Variants in DCC observed in about 807,000 individuals in gnomAD.
The protein encoded by DCC is DCC netrin 1 receptor.
In DCC, 58 loss-of-function variants were observed where a neutral mutation model predicts 172.5. That is an observed-to-expected ratio of 0.34 (90% CI 0.27 to 0.42). The LOEUF is 0.42. DCC is among the 10% of genes least tolerant of loss of function. The pLI, the probability that DCC is intolerant of heterozygous loss-of-function variation, is 1.00. For missense variants in DCC, 1,740 were observed against 1,791.0 expected, an observed-to-expected ratio of 0.97 and a Z score of 0.51; for synonymous variants, 709 against 644.5, an observed-to-expected ratio of 1.10 and a Z score of -1.52.
Position 52,648,044 on chromosome 18 carries a change from C to T in DCC, c.92-104010C>T, listed in dbSNP as rs113500068. 1.3e-3 allele frequency among the ~76,000 whole-genome samples: 198 copies of T among 152,258 alleles called. 2 individuals are homozygous for T. The highest frequency in any genetic ancestry group is 4.6e-3 in the African/African-American group (190 of 41,548). ...CTGAATCTTGAATTATGAGTAGGAA[C>T]GAGATGTTCAAAGGGAAGAGAAAAG... On this transcript the variant is annotated intron_variant, in intron 1 of 28. Coordinates refer to ENST00000442544, the MANE Select transcript of DCC (RefSeq NM_005215.4).
intron 1 of DCC, among the ~76,000 whole-genome samples, chr18:52,387,269 G>T (rs1985836926): frequency 6.6e-6 from 1 of 152,106 alleles, no homozygotes; most frequent in African/African-American, 2.4e-5. Flanking sequence ...ACTTACTGAA[G>T]GTGTGTGAAC....
chr18:52,812,720 T>C (rs893053513), intron 2 of DCC, among the ~76,000 whole-genome samples: 1 of 152,218 alleles, frequency 6.6e-6, no homozygotes, highest in African/African-American at 2.4e-5. Flanking sequence ...TTAAACTGGA[T>C]GCAGGTAATG....
chr18:52,589,079 G>A (rs1259061331), intron 1 of DCC, among the ~76,000 whole-genome samples: 1 of 152,142 alleles, frequency 6.6e-6, no homozygotes, highest in African/African-American at 2.4e-5. Context: ...TTGGGTTTTA[G>A]TTCAAATGAT....
At chr18:52,954,022 G>A (rs968336770) in intron 5 of DCC, among the ~76,000 whole-genome samples, 2 of 152,294 alleles carry the variant, frequency 1.3e-5, no homozygotes, top group African/African-American at 2.4e-5. Context: ...TAAACTCTGA[G>A]CAAAATTGTG....
chr18:52,968,125 G>A (rs553834677), intron 5 of DCC, among the ~76,000 whole-genome samples: 41 of 152,192 alleles, frequency 2.7e-4, no homozygotes, highest in African/African-American at 7.9e-4. Flanking sequence ...TTGGTATTAC[G>A]AAATTTAATA....
At chr18:52,852,734 G>A (rs868669834) in intron 2 of DCC, among the ~76,000 whole-genome samples, 1 of 152,038 alleles carries the variant, frequency 6.6e-6, no homozygotes, top group African/African-American at 2.4e-5. Flanking sequence ...GTTGAACACT[G>A]GAAACTTCTT....
chr18:53,145,105 CTTTTTTTTTTTT>C (rs57501246), intron 7 of DCC, among the ~76,000 whole-genome samples: 1 of 36,908 alleles, frequency 2.7e-5, no homozygotes, highest in Admixed American at 5.4e-4. Flanking sequence ...GAGGGCTCTG[CTTTTTTTTTTTT>C]TTTTTTTTTT....
intron 12 of DCC, among the ~76,000 whole-genome samples, chr18:53,270,017 G>A (rs1371965323): frequency 3.3e-5 from 5 of 152,124 alleles, no homozygotes; most frequent in Non-Finnish European, 5.9e-5. Flanking sequence ...GCATTCATGG[G>A]ATAATGAAGA....
chr18:53,343,125 T>G (rs952450585), intron 15 of DCC, among the ~76,000 whole-genome samples: 4 of 151,890 alleles, frequency 2.6e-5, no homozygotes, highest in Admixed American at 6.6e-5. Context: ...AACAGAAAGT[T>G]TTATATTTAG....
intron 22 of DCC, among the ~76,000 whole-genome samples, chr18:53,438,455 A>C (rs562309230): frequency 4.6e-5 from 7 of 152,336 alleles, no homozygotes; most frequent in South Asian, 4.1e-4. Context: ...GTAACATTTA[A>C]ATTATTTCTG....
chr18:53,087,645 G>C (rs567328988), intron 7 of DCC, among the ~76,000 whole-genome samples: 1 of 152,106 alleles, frequency 6.6e-6, no homozygotes, highest in Non-Finnish European at 1.5e-5. Flanking sequence ...TGTTGCCATT[G>C]TTTTTGGTGT....
chr18:53,514,610 G>A (rs368096961), intron 27 of DCC, among the ~76,000 whole-genome samples: 3 of 151,774 alleles, frequency 2.0e-5, no homozygotes, highest in African/African-American at 7.3e-5. Flanking sequence ...AAAATGATAA[G>A]GGGGATATCA....
At chr18:53,421,185 G>A (rs1414735760) in intron 21 of DCC, among the ~76,000 whole-genome samples, 1 of 152,128 alleles carries the variant, frequency 6.6e-6, no homozygotes, top group Non-Finnish European at 1.5e-5. Context: ...CCCATTTAAT[G>A]TCCAAATATT....
chr18:53,479,562 CAG>C (rs2045807672), intron 25 of DCC, among the ~76,000 whole-genome samples: 1 of 152,096 alleles, frequency 6.6e-6, no homozygotes. Flanking sequence ...CAGACACAGT[CAG>C]AGCTTAAAAA....
At chr18:52,661,440 T>G (rs571359636) in intron 1 of DCC, among the ~76,000 whole-genome samples, 123 of 152,298 alleles carry the variant, frequency 8.1e-4, no homozygotes, top group Admixed American at 1.4e-3. Context: ...AAAATTGTAC[T>G]GAAAATAGGG....
At position 52,835,429 on chromosome 18, in the gene DCC, A is replaced by G. The variant is rs117324329; in HGVS notation, c.413-70615A>G. Among the ~76,000 whole-genome samples the G allele has an allele frequency of 8.2e-4, 125 of 152,344 alleles. 3 individuals carry two copies. In the East Asian group the frequency reaches 0.022, roughly 27 times the overall value. ...TAAATAGGGAAAATATTGCTGATAG[A>G]CATTTGTTTTGCTCAGGAGTTAAAC... On this transcript the variant is annotated intron_variant, in intron 2 of 28. Transcript: ENST00000442544.
At chr18:53,349,747 A>C (rs1239850364) in intron 15 of DCC, among the ~76,000 whole-genome samples, 2 of 152,058 alleles carry the variant, frequency 1.3e-5, no homozygotes, top group Non-Finnish European at 2.9e-5. Flanking sequence ...ATCTCATGAG[A>C]CTCATTCACT....
intron 11 of DCC, among the ~76,000 whole-genome samples, chr18:53,208,514 T>A (rs992348195): frequency 6.6e-6 from 1 of 151,860 alleles, no homozygotes; most frequent in Non-Finnish European, 1.5e-5. Flanking sequence ...TGATAGACAA[T>A]CCCCCTATAT....
chr18:52,603,561 G>C (rs8096155), intron 1 of DCC, among the ~76,000 whole-genome samples: 1 of 146,466 alleles, frequency 6.8e-6, no homozygotes, highest in South Asian at 2.2e-4. Context: ...AAAAATAAAC[G>C]TATTTAGAAA....
Sources: allele counts gnomAD v4.1 joint callset (sites outside exome capture counted in the v4.1 genomes callset), GRCh38; gene constraint gnomAD v4.1.1; transcripts MANE v1.5; gene names NCBI Gene and HGNC (gene_info 2026-07-23, HGNC 2026-07-21).